The following SLC22A24 variants were observed in gnomAD, a reference collection of about 807,000 sequenced individuals.
The protein encoded by SLC22A24 is steroid transmembrane transporter SLC22A24.
SLC22A24 carries 53 observed loss-of-function variants against 49.8 expected under a neutral mutation model. The observed-to-expected ratio is 1.06, with a 90% CI of 0.85 to 1.34. The LOEUF is 1.34. Ranked by LOEUF, SLC22A24 falls within the 40% of genes most tolerant of loss-of-function variation. The probability of loss-of-function intolerance (pLI) is 0.00; values close to 1 mark genes in which losing one functional copy is unlikely to be tolerated. For synonymous variants in SLC22A24, 302 were observed against 256.4 expected, an observed-to-expected ratio of 1.18 and a Z score of -1.70; for missense variants, 786 against 675.9, an observed-to-expected ratio of 1.16 and a Z score of -1.81.
chr11:63,097,819 G>A (rs943009159), intron 5 of SLC22A24, among the ~76,000 whole-genome samples: 6 of 152,106 alleles, frequency 3.9e-5, no homozygotes, highest in Admixed American at 6.6e-5. Context: ...TAACACAGGA[G>A]CAGAAATCCA....
At chr11:63,104,341 T>C in intron 4 of SLC22A24, 43 bp from the exon 5 acceptor site, 2 of 1,513,420 alleles carry the variant, frequency 1.3e-6, no homozygotes, top group South Asian at 1.3e-5. Context: ...CAATTACTTA[T>C]TTGGCACTTA....
intron 4 of SLC22A24, among the ~76,000 whole-genome samples, chr11:63,106,024 G>A (rs1180985208): frequency 6.6e-6 from 1 of 151,730 alleles, no homozygotes; most frequent in Non-Finnish European, 1.5e-5. Context: ...CTGGTATGCT[G>A]CACCCATTAA....
chr11:63,082,082 A>T (rs1402993454), intron 7 of SLC22A24, among the ~76,000 whole-genome samples: 1 of 152,202 alleles, frequency 6.6e-6, no homozygotes, highest in Non-Finnish European at 1.5e-5. Context: ...TGGGGCATAG[A>T]ACTATATATA....
At chr11:63,135,863 C>T (rs1194391792) in intron 1 of SLC22A24, among the ~76,000 whole-genome samples, 1 of 152,120 alleles carries the variant, frequency 6.6e-6, no homozygotes, top group African/African-American at 2.4e-5. Flanking sequence ...GCAAAGGAGA[C>T]GAGAGCCTTG....
chr11:63,139,710 A>G (rs1190042741), intron 1 of SLC22A24, among the ~76,000 whole-genome samples: 2 of 152,160 alleles, frequency 1.3e-5, no homozygotes, highest in East Asian at 1.9e-4. Context: ...CCTTTTAGGG[A>G]TCCGATCCAG....
At chr11:63,108,297 G>A (rs1399328084) in intron 4 of SLC22A24, among the ~76,000 whole-genome samples, 1 of 152,156 alleles carries the variant, frequency 6.6e-6, no homozygotes, top group African/African-American at 2.4e-5. Context: ...CTTGATCGTG[G>A]TGGATAAGCT....
At chr11:63,086,461 C>T (rs2086987576) in intron 6 of SLC22A24, among the ~76,000 whole-genome samples, 1 of 152,152 alleles carries the variant, frequency 6.6e-6, no homozygotes, top group African/African-American at 2.4e-5. Flanking sequence ...CACATGTTCT[C>T]ACTTATGAGT....
At chr11:63,113,607 GC>G (rs1394755733) in intron 4 of SLC22A24, among the ~76,000 whole-genome samples, 1 of 152,056 alleles carries the variant, frequency 6.6e-6, no homozygotes, top group Non-Finnish European at 1.5e-5. Flanking sequence ...TGTAATCCCA[GC>G]ACTTTGGGAG....
At position 63,130,145 on chromosome 11, in the gene SLC22A24, G is replaced by A. The variant is rs375475188; in HGVS notation, c.506+4520C>T. Among the ~76,000 whole-genome samples, 176 of 152,212 alleles carry A rather than the reference G, an allele frequency of 1.2e-3. 3 individuals are homozygous for A. In the South Asian group the frequency reaches 0.035, roughly 30 times the overall value. The stretch of plus-strand genomic sequence containing the variant: ...ACTAACTCTTATTATTTTGAGATAC[G>A]TTCCATCTATACCTAGTTTATTGAG... On this transcript the variant is annotated intron_variant, in intron 2 of 9. Transcript: ENST00000612278.
chr11:63,084,906 G>A (rs982349387), intron 6 of SLC22A24, among the ~76,000 whole-genome samples: 4 of 151,656 alleles, frequency 2.6e-5, no homozygotes, highest in Admixed American at 6.6e-5. Context: ...GTATTACTAA[G>A]ATGAGGCTAT....
In SLC22A24 at chr11:63,119,929, G is replaced by C. The variant is rs144483977; in HGVS notation, c.507-594C>G. Among the ~76,000 whole-genome samples the C allele has an allele frequency of 3.4e-3, 520 of 152,022 alleles. 4 individuals carry two copies. The highest frequency in any genetic ancestry group is 0.012 in the African/African-American group (493 of 41,486). Reference sequence around the variant, plus strand: ...CTGCATAAATGTCTTCTTTTGAGAAGTGTCTGTTCATGTCCTTCGCCCACT... The same window carrying C: ...CTGCATAAATGTCTTCTTTTGAGAACTGTCTGTTCATGTCCTTCGCCCACT... On this transcript the variant is annotated intron_variant, in intron 2 of 9. Transcript: ENST00000612278.
chr11:63,081,043 T>C lies in SLC22A24; in HGVS notation c.1475A>G (p.Tyr492Cys). The change falls in exon 9 of 10, where the codon TAT (tyrosine) becomes TGT (cysteine). Residue 492 changes from tyrosine to cysteine, a missense_variant. Transcript: ENST00000612278. ...GGAAATCCAGGGTAGGTGGGGAGAA[T>C]ACGCCATTAAGGTCATCAACAGAGG... ...LAPLLMTLMAYSPHLPWISYG... is the reference protein window; with the variant it reads ...LAPLLMTLMACSPHLPWISYG... 2 of 1,551,662 alleles carry C rather than the reference T, an allele frequency of 1.3e-6. No individual in the cohort carries two copies. Among genetic ancestry groups the C allele is most frequent in the Non-Finnish European group, 1.7e-6 (2 of 1,146,982 alleles).
At chr11:63,120,680 C>G (rs1011993495) in intron 2 of SLC22A24, among the ~76,000 whole-genome samples, 7 of 152,032 alleles carry the variant, frequency 4.6e-5, no homozygotes, top group Non-Finnish European at 7.4e-5. Flanking sequence ...TGAGTTGATA[C>G]TAAATTCTCA....
At position 63,120,464 on chromosome 11, in the gene SLC22A24, T is replaced by TA. The variant is rs1203548957; in HGVS notation, c.507-1130dup. 1.4e-3 allele frequency among the ~76,000 whole-genome samples: 207 copies of TA among 148,634 alleles called. 1 individual carries two copies. The highest frequency in any genetic ancestry group is 3.5e-3 in the Admixed American group (52 of 14,882). ...AACTTAAAATATAATAAAAAATAAA[T>TA]AAAAAAAAAGAAAAAGAAAACAGTT... is the stretch of plus-strand genomic sequence containing the variant. On this transcript the variant is annotated intron_variant, in intron 2 of 9. Transcript: ENST00000612278.
Position 63,144,137 on chromosome 11 carries a change from G to A in SLC22A24, c.-358C>T, listed in dbSNP as rs1362666683. The stretch of plus-strand genomic sequence containing the variant: ...AACGGTGGATTTTCAGGTGGATGCA[G>A]TCCCCACGTGACCTAAAATACACCT... On this transcript the variant is annotated 5_prime_UTR_variant, in exon 1 of 10. Transcript: ENST00000612278. 1 of 177,004 alleles carries A rather than the reference G, an allele frequency of 5.6e-6. No homozygotes were observed. Among genetic ancestry groups the A allele is most frequent in the Non-Finnish European group, 1.2e-5 (1 of 84,748 alleles). 11.0% of individuals were successfully genotyped at this position (177,004 alleles called of 1,614,324 possible).
At chr11:63,134,168 T>C (rs1294879218) in intron 2 of SLC22A24, among the ~76,000 whole-genome samples, 1 of 152,186 alleles carries the variant, frequency 6.6e-6, no homozygotes, top group Non-Finnish European at 1.5e-5. Flanking sequence ...GACTACCCAC[T>C]GCACATGAGC....
chr11:63,127,427 C>T (rs1216215188), intron 2 of SLC22A24, among the ~76,000 whole-genome samples: 1 of 152,230 alleles, frequency 6.6e-6, no homozygotes, highest in South Asian at 2.1e-4. Context: ...TGAATAGTGC[C>T]ACAATAAACA....
chr11:63,113,079 C>CATATATATAT (rs1388675260), intron 4 of SLC22A24, among the ~76,000 whole-genome samples: 32 of 1,052 alleles, frequency 0.03, 13 homozygotes, highest in African/African-American at 0.037. Flanking sequence ...CATATATATA[C>CATATATATAT]ACATATATAT....
intron 1 of SLC22A24, 81 bp downstream of exon 1, chr11:63,143,297 G>T: frequency 2.4e-6 from 3 of 1,245,712 alleles, no homozygotes; most frequent in East Asian, 5.8e-5. Flanking sequence ...AAGGACTAAA[G>T]GTATAAAGCA....
Sources: allele counts gnomAD v4.1 joint callset (sites outside exome capture counted in the v4.1 genomes callset), GRCh38; gene constraint gnomAD v4.1.1; transcripts MANE v1.5; gene names NCBI Gene and HGNC (gene_info 2026-07-23, HGNC 2026-07-21).